The following UGP2 variants were observed in gnomAD, a reference collection of about 807,000 sequenced individuals.
The protein encoded by UGP2 is UDP-glucose pyrophosphorylase 2, also known as UTP--glucose-1-phosphate uridylyltransferase.
A neutral mutation model predicts 49.0 loss-of-function variants in UGP2; 40 were observed. The ratio of observed to expected loss-of-function variants is 0.82; its 90% confidence interval spans 0.63 to 1.06. The LOEUF (loss-of-function observed/expected upper bound fraction) is 1.06. Ranked by LOEUF, UGP2 falls within the 50% of genes least tolerant of loss-of-function variation. The pLI is 0.00. For missense variants in UGP2, 460 were observed against 603.5 expected, an observed-to-expected ratio of 0.76 and a Z score of 2.49; for synonymous variants, 225 against 213.0, an observed-to-expected ratio of 1.06 and a Z score of -0.49.
rs1057040990 is a variant in UGP2 at position 63,842,067 on chromosome 2, T to C, written c.-119T>C. The stretch of plus-strand genomic sequence containing the variant: ...ATAAATACTCCCTTAAGTAGTTAAA[T>C]ATAGGAGGAGAAAGAATACATCGGT... On this transcript the variant is annotated 5_prime_UTR_variant, in exon 1 of 10. Transcript: ENST00000337130. 3.1e-5 allele frequency: 39 copies of C among 1,267,818 alleles called. No homozygotes were observed. In the African/African-American group the frequency reaches 5.3e-4, roughly 17 times the overall value. The allele number at this position is 1,267,818 out of a possible 1,614,324, so 78.5% of individuals were successfully genotyped here. A position where few individuals can be genotyped will look rare whatever the true frequency, so the allele number is the denominator to read the frequency against.
chr2:63,887,950 T>C, intron 8 of UGP2: 1 of 302,484 alleles, frequency 3.3e-6, no homozygotes, highest in African/African-American at 2.1e-5. Context: ...TAACAAATAC[T>C]TATTGAATGC....
chr2:63,880,196 C>T (rs1365993177), intron 3 of UGP2, among the ~76,000 whole-genome samples: 1 of 147,108 alleles, frequency 6.8e-6, no homozygotes, highest in Non-Finnish European at 1.5e-5. Flanking sequence ...CCTCCCTCTC[C>T]TCTTTCTGAC....
At chr2:63,842,683 T>C in intron 1 of UGP2, 5 of 1,306,214 alleles carry the variant, frequency 3.8e-6, no homozygotes, top group Non-Finnish European at 5.0e-6. Flanking sequence ...CGTCTCAGAT[T>C]CACTTATTGC....
chr2:63,842,252 G>A (rs921411506), intron 1 of UGP2, 48 bp downstream of exon 1: 8 of 1,608,430 alleles, frequency 5.0e-6, no homozygotes, highest in Admixed American at 3.4e-5. Flanking sequence ...GGCAAATTTG[G>A]GTACTGACAG....
chr2:63,887,366 C>T (rs775506663), intron 7 of UGP2, 36 bp from the exon 8 acceptor site: 37 of 1,611,500 alleles, frequency 2.3e-5, no homozygotes, highest in Non-Finnish European at 3.1e-5. Context: ...TGCCTAAAAC[C>T]TCTGTTTTCT....
chr2:63,877,821 G>A (rs1296141253), intron 3 of UGP2, among the ~76,000 whole-genome samples: 3 of 150,616 alleles, frequency 2.0e-5, no homozygotes, highest in Admixed American at 6.6e-5. Context: ...GTGAAACCCC[G>A]TCTCTACTAA....
rs1672155772 is a variant in UGP2 at position 63,891,449 on chromosome 2, T to G, written c.*222T>G. Reference sequence around the variant, plus strand: ...TCCCAAAAGTTAGTTCATCTTAAAGTGCAATATTGTTTAATCTTAAAACTG... The same window carrying G: ...TCCCAAAAGTTAGTTCATCTTAAAGGGCAATATTGTTTAATCTTAAAACTG... On this transcript the variant is annotated 3_prime_UTR_variant, in exon 10 of 10. Coordinates refer to ENST00000337130, the MANE Select transcript of UGP2 (RefSeq NM_006759.4). 2.8e-6 allele frequency: 1 copy of G among 357,164 alleles called. No homozygotes were observed. The highest frequency in any genetic ancestry group is 2.1e-5 in the African/African-American group (1 of 47,552). The allele number at this position is 357,164 out of a possible 1,614,324, so 22.1% of individuals were successfully genotyped here. A position where few individuals can be genotyped will look rare whatever the true frequency, so the allele number is the denominator to read the frequency against.
chr2:63,884,748 C>T (rs1671542942), intron 5 of UGP2, among the ~76,000 whole-genome samples: 1 of 151,436 alleles, frequency 6.6e-6, no homozygotes, highest in African/African-American at 2.4e-5. Flanking sequence ...GTCGTCTCTA[C>T]AAAAAAAATT....
At chr2:63,860,976 C>T (rs1415075503) in intron 3 of UGP2, among the ~76,000 whole-genome samples, 2 of 151,758 alleles carry the variant, frequency 1.3e-5, no homozygotes, top group Non-Finnish European at 2.9e-5. Context: ...GTGTTGAATG[C>T]TTTGTTTTAG....
At chr2:63,846,823 T>C (rs1314379771) in intron 1 of UGP2, among the ~76,000 whole-genome samples, 1 of 152,202 alleles carries the variant, frequency 6.6e-6, no homozygotes, top group South Asian at 2.1e-4. Context: ...TGGCATGGAT[T>C]TGAGTGAGGA....
intron 1 of UGP2, chr2:63,842,604 G>GT (rs1313833841): frequency 7.6e-6 from 11 of 1,456,670 alleles, no homozygotes; most frequent in African/African-American, 2.8e-5. Context: ...AGCCGGGTGG[G>GT]TTTTGCCGGG....
intron 8 of UGP2, chr2:63,889,007 A>G (rs930520267): frequency 2.0e-5 from 3 of 152,170 alleles, no homozygotes; most frequent in Non-Finnish European, 4.4e-5. Flanking sequence ...CCTGCTGTGG[A>G]TGTGTAGAAT....
At chr2:63,883,132 A>G (rs34196086) in intron 4 of UGP2, 3 of 152,088 alleles carry the variant, frequency 2.0e-5, no homozygotes, top group African/African-American at 7.3e-5. Flanking sequence ...CCTTATCCTA[A>G]TGCCTAGTAT....
At chr2:63,843,811 C>G (rs1671744182) in intron 1 of UGP2, among the ~76,000 whole-genome samples, 1 of 152,224 alleles carries the variant, frequency 6.6e-6, no homozygotes, top group African/African-American at 2.4e-5. Flanking sequence ...AGGCTTTGTT[C>G]AGATTACAGT....
intron 3 of UGP2, 155 bp downstream of exon 3, chr2:63,858,091 G>A (rs1669572395): frequency 3.0e-6 from 2 of 656,500 alleles, no homozygotes; most frequent in Non-Finnish European, 5.1e-6. Context: ...AAACTATGGA[G>A]ACAGCCTTCA....
At chr2:63,880,783 G>A (rs1255211039) in intron 3 of UGP2, among the ~76,000 whole-genome samples, 1 of 152,222 alleles carries the variant, frequency 6.6e-6, no homozygotes, top group South Asian at 2.1e-4. Context: ...CAGGGGAAGC[G>A]ATCAGTGTGG....
At chr2:63,871,945 A>C (rs1670583730) in intron 3 of UGP2, among the ~76,000 whole-genome samples, 1 of 152,234 alleles carries the variant, frequency 6.6e-6, no homozygotes, top group Admixed American at 6.5e-5. Flanking sequence ...GCAGATAGTA[A>C]ATATTTTAGG....
intron 5 of UGP2, among the ~76,000 whole-genome samples, chr2:63,884,792 C>T (rs920319128): frequency 2.6e-5 from 4 of 151,812 alleles, no homozygotes; most frequent in Middle Eastern, 3.2e-3. Flanking sequence ...CCCTTGTAGC[C>T]CAGCTACTTG....
chr2:63,889,182 A>G (rs1671900110), intron 8 of UGP2: 1 of 152,222 alleles, frequency 6.6e-6, no homozygotes, highest in Admixed American at 6.5e-5. Flanking sequence ...CATGGATTTA[A>G]AAGAGAATGA....
Sources: gnomAD v4.1 joint callset for allele counts (sites outside exome capture counted in the v4.1 genomes callset) on GRCh38, gnomAD v4.1.1 for gene constraint, MANE v1.5 for transcripts, NCBI Gene and HGNC (gene_info 2026-07-23, HGNC 2026-07-21) for gene names.